KCNG2: variants seen among roughly 807,000 people sequenced by gnomAD.
KCNG2 encodes potassium voltage-gated channel modifier subfamily G member 2.
Under a neutral mutation model 12.3 loss-of-function variants are expected in KCNG2, and 7 were observed. That is an observed-to-expected ratio of 0.57 (90% CI 0.32 to 1.07). KCNG2 has a LOEUF of 1.07. KCNG2 is among the 50% of genes least tolerant of loss of function. The pLI is 0.04. For synonymous variants in KCNG2, 414 were observed against 351.4 expected (o/e 1.18, Z -1.99); for missense variants, 703 against 726.0 (o/e 0.97, Z 0.36).
chr18:79,835,049 C>T (rs936687633), intron 1 of KCNG2, among the ~76,000 whole-genome samples: 1 of 152,352 alleles, frequency 6.6e-6, no homozygotes, highest in East Asian at 1.9e-4. Context: ...CAGCCAGGGA[C>T]GTGTCTGTAG....
At chr18:79,851,292 T>G (rs968593855) in intron 1 of KCNG2, among the ~76,000 whole-genome samples, 1 of 152,238 alleles carries the variant, frequency 6.6e-6, no homozygotes, top group African/African-American at 2.4e-5. Context: ...TTGGGAATGC[T>G]TCTGTTCTCA....
chr18:79,836,959 A>G (rs576513692), intron 1 of KCNG2, among the ~76,000 whole-genome samples: 1 of 152,216 alleles, frequency 6.6e-6, no homozygotes, highest in Non-Finnish European at 1.5e-5. Context: ...GCTTCCAAAC[A>G]GTCCCCCACA....
At chr18:79,857,209 G>A (rs1173523988) in intron 2 of KCNG2, among the ~76,000 whole-genome samples, 3 of 147,354 alleles carry the variant, frequency 2.0e-5, no homozygotes, top group Non-Finnish European at 4.5e-5. Flanking sequence ...GTGAACCTTG[G>A]GGCACAGAGG....
chr18:79,864,907 G>T (rs1307869476), intron 3 of KCNG2, among the ~76,000 whole-genome samples: 14 of 150,828 alleles, frequency 9.3e-5, no homozygotes, highest in Non-Finnish European at 1.0e-4. Context: ...GTGTGCAGAG[G>T]TCTGGGTGCT....
At chr18:79,861,581 T>C (rs1316939075) in intron 2 of KCNG2, among the ~76,000 whole-genome samples, 3 of 152,250 alleles carry the variant, frequency 2.0e-5, no homozygotes, top group Admixed American at 2.0e-4. Flanking sequence ...GCCGGGTCTT[T>C]GTCTTTAGAC....
chr18:79,826,564 C>T (rs1414900014), intron 1 of KCNG2, among the ~76,000 whole-genome samples: 2 of 148,196 alleles, frequency 1.3e-5, no homozygotes, highest in African/African-American at 2.5e-5. Context: ...CAGCTCCTCA[C>T]GGAAGGTTAA....
At chr18:79,819,205 A>T (rs1599369402) in intron 1 of KCNG2, among the ~76,000 whole-genome samples, 1 of 152,324 alleles carries the variant, frequency 6.6e-6, no homozygotes, top group Admixed American at 6.5e-5. Flanking sequence ...GACGTGTCAG[A>T]GGGAGAAGGC....
At position 79,899,514 on chromosome 18, in the gene KCNG2, A is replaced by G; in HGVS notation, c.1099A>G (p.Met367Val). Reference sequence around the variant, plus strand: ...CAGCTATTGGTGGGCCGTCATCTCCATGACCACCGTGGGCTACGGCGACAT... The same window carrying G: ...CAGCTATTGGTGGGCCGTCATCTCCGTGACCACCGTGGGCTACGGCGACAT... ...PASYWWAVISMTTVGYGDMVP... is the reference protein window; with the variant it reads ...PASYWWAVISVTTVGYGDMVP... Residue 367 changes from methionine (M) to valine (V), a missense_variant, in exon 4 of 4, where the codon ATG becomes GTG. Physicochemically the swap from Met to Val is conservative, Grantham distance 21. Coordinates refer to ENST00000316249, the MANE Select transcript of KCNG2 (RefSeq NM_012283.2). 1 of 1,607,196 alleles carries G rather than the reference A, an allele frequency of 6.2e-7. No homozygotes were observed. Among genetic ancestry groups the G allele is most frequent in the Non-Finnish European group, 8.5e-7 (1 of 1,177,680 alleles).
At chr18:79,867,490 TG>T (rs35678207) in intron 3 of KCNG2, among the ~76,000 whole-genome samples, 23,862 of 46,714 alleles carry the variant, frequency 0.51, 6,524 homozygotes, top group Middle Eastern at 0.66. Flanking sequence ...GTGTCGTGTC[TG>T]GGGGGGGGAT....
At chr18:79,813,499 G>A (rs190374318) in intron 1 of KCNG2, among the ~76,000 whole-genome samples, 4 of 152,332 alleles carry the variant, frequency 2.6e-5, no homozygotes, top group Admixed American at 2.6e-4. Context: ...CACATCTGAA[G>A]CCTTTTCAAG....
chr18:79,896,812 A>T (rs1980992810), intron 3 of KCNG2, among the ~76,000 whole-genome samples: 2 of 152,080 alleles, frequency 1.3e-5, no homozygotes, highest in Admixed American at 6.6e-5. Flanking sequence ...GAAAGTGTTT[A>T]TTTTTTACTT....
intron 3 of KCNG2, among the ~76,000 whole-genome samples, chr18:79,893,772 G>A (rs916617965): frequency 9.4e-6 from 1 of 105,832 alleles, no homozygotes; most frequent in African/African-American, 3.6e-5. Flanking sequence ...TGATTGGGTT[G>A]TTCCCTCCGT....
At chr18:79,815,822 C>T (rs540880856) in intron 1 of KCNG2, among the ~76,000 whole-genome samples, 33 of 152,358 alleles carry the variant, frequency 2.2e-4, no homozygotes, top group East Asian at 7.7e-4. Context: ...TGGGGCTCCC[C>T]GCTGGCCTGT....
intron 2 of KCNG2, among the ~76,000 whole-genome samples, chr18:79,859,068 G>A (rs1347290036): frequency 6.6e-6 from 1 of 152,068 alleles, no homozygotes. Context: ...AGTTTCATTG[G>A]AATGAAGTCC....
At chr18:79,892,224 T>C (rs1190479048) in intron 3 of KCNG2, among the ~76,000 whole-genome samples, 2 of 152,256 alleles carry the variant, frequency 1.3e-5, no homozygotes, top group Non-Finnish European at 2.9e-5. Flanking sequence ...CATTTACTTA[T>C]TGCTGTATTA....
At chr18:79,812,769 G>A (rs895779695) in intron 1 of KCNG2, among the ~76,000 whole-genome samples, 8 of 152,214 alleles carry the variant, frequency 5.3e-5, no homozygotes, top group African/African-American at 9.6e-5. Flanking sequence ...GCTGAGGCGC[G>A]AGAATCACTT....
rs2087575904 is a variant in KCNG2 at position 79,822,219 on chromosome 18, C to G, written c.-115+24205C>G. Among the ~76,000 whole-genome samples, 1 of 152,152 alleles carries G rather than the reference C, an allele frequency of 6.6e-6. No individual in the cohort carries two copies. The highest frequency in any genetic ancestry group is 2.4e-5 in the African/African-American group (1 of 41,430). On this transcript the variant is annotated intron_variant, in intron 1 of 3. Transcript: ENST00000316249. This position sits in a 1 kb window ranked among gnomAD's most constrained non-coding sequence, Gnocchi z 4.4. ...TGCAGATTCATAGAGGTTCCCATGT[C>G]TCCCACCCAGCTTCCTCCAGTGTTG...
At chr18:79,837,808 A>C (rs1397391792) in intron 1 of KCNG2, among the ~76,000 whole-genome samples, 1 of 151,998 alleles carries the variant, frequency 6.6e-6, no homozygotes, top group Non-Finnish European at 1.5e-5. Context: ...TCTGCCCTTT[A>C]CCCAGTTCCA....
intron 1 of KCNG2, among the ~76,000 whole-genome samples, chr18:79,841,966 C>G (rs1193339909): frequency 6.6e-6 from 1 of 152,210 alleles, no homozygotes; most frequent in African/African-American, 2.4e-5. Flanking sequence ...AGCGAGCACT[C>G]AACTTCACTG....
Sources: allele counts gnomAD v4.1 joint callset (sites outside exome capture counted in the v4.1 genomes callset), GRCh38; gene constraint gnomAD v4.1.1; non-coding constraint Gnocchi (gnomAD v3.1); transcripts MANE v1.5; gene names NCBI Gene and HGNC (gene_info 2026-07-23, HGNC 2026-07-21).